The following ABLIM1 variants were observed in gnomAD, a reference collection of about 807,000 sequenced individuals.
ABLIM1 encodes actin binding LIM protein 1.
A neutral mutation model predicts 107.0 loss-of-function variants in ABLIM1; 40 were observed. That is an observed-to-expected ratio of 0.37 (90% CI 0.29 to 0.49). The LOEUF (loss-of-function observed/expected upper bound fraction) is 0.49, where lower values mean the gene tolerates loss of function less well. Ranked by LOEUF, ABLIM1 falls within the 20% of genes least tolerant of loss-of-function variation. ABLIM1 has a pLI of 0.97. For missense variants in ABLIM1, 857 were observed against 1,008.5 expected (o/e 0.85, Z 2.04); for synonymous variants, 357 against 357.3 (o/e 1.00, Z 0.01).
intron 1 of ABLIM1, among the ~76,000 whole-genome samples, chr10:114,711,689 G>A (rs1328208157): frequency 6.6e-6 from 1 of 152,188 alleles, no homozygotes; most frequent in African/African-American, 2.4e-5. Flanking sequence ...TAGGCCTAAA[G>A]AGGCAAGGGG....
intron 8 of ABLIM1, among the ~76,000 whole-genome samples, chr10:114,475,836 T>C (rs2056286840): frequency 6.6e-6 from 1 of 152,172 alleles, no homozygotes; most frequent in African/African-American, 2.4e-5. Context: ...CAGAGAAAAC[T>C]CAAGGCCTCA....
chr10:114,735,493 C>T (rs900301830), intron 1 of ABLIM1, among the ~76,000 whole-genome samples: 6 of 152,170 alleles, frequency 3.9e-5, no homozygotes, highest in South Asian at 2.1e-4. Context: ...TGTTTTGAGA[C>T]GGAGTCTCGC....
At chr10:114,785,550 G>A in the ABLIM1 span, among the ~76,000 whole-genome samples, 11 of 152,054 alleles carry the variant, frequency 7.2e-5, no homozygotes, top group Admixed American at 6.6e-4. Context: ...GGGTAGGGGG[G>A]CATGGGTGTA....
upstream of ABLIM1, chr10:114,658,390 A>G: frequency 8.6e-7 from 1 of 1,158,938 alleles, no homozygotes; most frequent in Non-Finnish European, 1.1e-6. Context: ...CAGTCAGATG[A>G]CTAGGTATAA....
At chr10:114,578,958 T>C (rs1431782844) in intron 2 of ABLIM1, among the ~76,000 whole-genome samples, 1 of 151,820 alleles carries the variant, frequency 6.6e-6, no homozygotes, top group Non-Finnish European at 1.5e-5. Flanking sequence ...GGCTAATTTT[T>C]GTATTTTTAG....
intron 20 of ABLIM1, 51 bp from the exon 21 acceptor site, chr10:114,439,301 T>G: frequency 6.3e-7 from 1 of 1,598,194 alleles, no homozygotes; most frequent in Non-Finnish European, 8.6e-7. Context: ...TCTAGGAAAC[T>G]GAAGGGAGTA....
At chr10:114,632,535 A>C in intron 1 of ABLIM1, 3 of 985,426 alleles carry the variant, frequency 3.0e-6, no homozygotes, top group Non-Finnish European at 3.6e-6. Flanking sequence ...TTTCAAGTTC[A>C]CTTTCTTATG....
rs757652575 is a variant in ABLIM1, at chr10:114,658,220, C to G, written c.-20G>C. ...AGGCATCTTGGCATGGATTTCCAAG[C>G]AATGAGAAATGGGGAGTGGGGACCC... is the stretch of plus-strand genomic sequence containing the variant. On this transcript the variant is annotated 5_prime_UTR_variant, in exon 1 of 23. Transcript: ENST00000533213. 1.2e-5 allele frequency: 19 copies of G among 1,592,506 alleles called. 1 individual carries two copies. The South Asian group carries it at 2.0e-4, about 17-fold the overall frequency.
At chr10:114,464,595 T>A (rs1268976605) in intron 12 of ABLIM1, among the ~76,000 whole-genome samples, 4 of 152,106 alleles carry the variant, frequency 2.6e-5, no homozygotes, top group Non-Finnish European at 5.9e-5. Flanking sequence ...GGAAAAAAAA[T>A]TCCTGAGAAC....
chr10:114,469,405 G>A (rs562942497), intron 10 of ABLIM1, among the ~76,000 whole-genome samples: 4 of 152,152 alleles, frequency 2.6e-5, no homozygotes, highest in Non-Finnish European at 5.9e-5. Context: ...CTTCCTTGGG[G>A]CCATCAACAG....
At chr10:114,513,735 G>A (rs555405779) in intron 6 of ABLIM1, among the ~76,000 whole-genome samples, 4 of 152,318 alleles carry the variant, frequency 2.6e-5, no homozygotes, top group African/African-American at 9.6e-5. Flanking sequence ...TTCCTGTCTA[G>A]CACAGAGCTA....
At chr10:114,733,051 G>A (rs906295400) in intron 1 of ABLIM1, among the ~76,000 whole-genome samples, 1 of 152,124 alleles carries the variant, frequency 6.6e-6, no homozygotes, top group Non-Finnish European at 1.5e-5. Context: ...CCTAAAAGTG[G>A]CTCAATTATG....
In ABLIM1 at chr10:114,601,963, T is replaced by G. The variant is rs2076044056; in HGVS notation, c.245-2A>C. 6.2e-7 allele frequency: 1 copy of G among 1,613,676 alleles called. No homozygotes were observed. The highest frequency in any genetic ancestry group is 8.5e-7 in the Non-Finnish European group (1 of 1,179,618). ...GGTGAGGGTCCTGAGGGTGGGCCAC[T>G]GAAAGAAAATCAACAAAAGATCCAG... On this transcript the variant is annotated splice_acceptor_variant, in intron 1 of 22. Transcript: ENST00000533213. LOFTEE classifies it high-confidence loss of function.
At chr10:114,637,836 C>T (rs928903680) in intron 1 of ABLIM1, among the ~76,000 whole-genome samples, 3 of 152,186 alleles carry the variant, frequency 2.0e-5, no homozygotes, top group African/African-American at 7.2e-5. Context: ...AAAAATAGTT[C>T]TCTGAATTAT....
At chr10:114,728,473 G>C (rs926824160) in intron 1 of ABLIM1, among the ~76,000 whole-genome samples, 15 of 115,416 alleles carry the variant, frequency 1.3e-4, no homozygotes, top group Non-Finnish European at 2.2e-4. Context: ...TCAACATTAA[G>C]AATGGGTAAA....
intron 1 of ABLIM1, among the ~76,000 whole-genome samples, chr10:114,720,250 C>T (rs1007727429): frequency 1.3e-5 from 2 of 152,168 alleles, no homozygotes; most frequent in Non-Finnish European, 2.9e-5. Flanking sequence ...ATATGTACCA[C>T]ATTTTCTTTA....
At chr10:114,758,340 C>T (rs1591952124) in intron 1 of ABLIM1, among the ~76,000 whole-genome samples, 1 of 152,148 alleles carries the variant, frequency 6.6e-6, no homozygotes, top group African/African-American at 2.4e-5. Flanking sequence ...AGAATAGATT[C>T]TCCTAAAATA....
intron 1 of ABLIM1, chr10:114,690,343 T>G (rs1253443843): frequency 6.2e-7 from 1 of 1,604,180 alleles, no homozygotes; most frequent in African/African-American, 1.3e-5. Context: ...GCATTTGCCA[T>G]GGACAAGATG....
chr10:114,577,005 T>C (rs1431535457), intron 2 of ABLIM1, among the ~76,000 whole-genome samples: 1 of 152,234 alleles, frequency 6.6e-6, no homozygotes, highest in Non-Finnish European at 1.5e-5. Flanking sequence ...AGATGAGTCC[T>C]GTGGGTCAGG....
Sources: allele counts gnomAD v4.1 joint callset (sites outside exome capture counted in the v4.1 genomes callset), GRCh38; gene constraint gnomAD v4.1.1; transcripts MANE v1.5; gene names NCBI Gene and HGNC (gene_info 2026-07-23, HGNC 2026-07-21).